Variants in ZFPM2 observed in about 807,000 individuals in gnomAD.
The protein encoded by ZFPM2 is zinc finger protein, FOG family member 2.
ZFPM2 carries 20 observed loss-of-function variants against 98.6 expected under a neutral mutation model. The ratio of observed to expected loss-of-function variants is 0.20; its 90% CI spans 0.14 to 0.29. The LOEUF (loss-of-function observed/expected upper bound fraction) is 0.29, where lower values mean the gene tolerates loss of function less well. ZFPM2 is among the 10% of genes least tolerant of loss of function. The pLI, the probability that ZFPM2 is intolerant of heterozygous loss-of-function variation, is 1.00. For missense variants in ZFPM2, 1,310 were observed against 1,388.6 expected (o/e 0.94, Z 0.90); for synonymous variants, 518 against 502.7 (o/e 1.03, Z -0.41).
chr8:105,667,629 A>G (rs1226742503), intron 5 of ZFPM2, among the ~76,000 whole-genome samples: 2 of 152,260 alleles, frequency 1.3e-5, no homozygotes, highest in Non-Finnish European at 1.5e-5. Context: ...CATCTGTGCA[A>G]GGCCAGGTTT....
intron 3 of ZFPM2, among the ~76,000 whole-genome samples, chr8:105,508,649 A>G (rs1813750247): frequency 6.6e-6 from 1 of 151,984 alleles, no homozygotes; most frequent in Non-Finnish European, 1.5e-5. Flanking sequence ...GCCAGAGACC[A>G]GATGCACCTC....
chr8:105,712,781 T>C (rs7003141), intron 5 of ZFPM2, among the ~76,000 whole-genome samples: 44,363 of 151,938 alleles, frequency 0.29, 7,034 homozygotes, highest in African/African-American at 0.4. Context: ...GGGTTTAGCT[T>C]CAAATTGTAA....
intron 3 of ZFPM2, 23 bp downstream of exon 3, chr8:105,444,404 C>A (rs1812325808): frequency 1.9e-6 from 3 of 1,566,408 alleles, no homozygotes; most frequent in Non-Finnish European, 2.6e-6. Flanking sequence ...ATTTAAAATT[C>A]AACCGTCTTT....
intron 1 of ZFPM2, among the ~76,000 whole-genome samples, chr8:105,394,930 C>T (rs191881215): frequency 1.5e-4 from 23 of 152,296 alleles, no homozygotes; most frequent in Non-Finnish European, 8.8e-5. Context: ...CTTTGATTCT[C>T]TGGAATCGTG....
intron 1 of ZFPM2, among the ~76,000 whole-genome samples, chr8:105,359,670 G>T (rs781149714): frequency 5.3e-5 from 8 of 152,032 alleles, no homozygotes; most frequent in Non-Finnish European, 1.0e-4. Context: ...CACCGCGCCC[G>T]GCCCCACTCT....
intron 5 of ZFPM2, among the ~76,000 whole-genome samples, chr8:105,681,344 T>A (rs1435218009): frequency 6.6e-6 from 1 of 152,160 alleles, no homozygotes; most frequent in Non-Finnish European, 1.5e-5. Context: ...CCTTTCAGAA[T>A]GCACAGAGTG....
chr8:105,408,037 A>C (rs1461801048), intron 1 of ZFPM2, among the ~76,000 whole-genome samples: 1 of 151,842 alleles, frequency 6.6e-6, no homozygotes, highest in Non-Finnish European at 1.5e-5. Context: ...CTGCCTGTAA[A>C]GATGCTTGCT....
chr8:105,766,791 G>A (rs1315968360), intron 5 of ZFPM2, among the ~76,000 whole-genome samples: 1 of 151,846 alleles, frequency 6.6e-6, no homozygotes. Context: ...GACCTTTATA[G>A]GTTGGCAATA....
intron 3 of ZFPM2, among the ~76,000 whole-genome samples, chr8:105,549,452 C>T (rs1448033127): frequency 6.6e-6 from 1 of 151,674 alleles, no homozygotes; most frequent in Non-Finnish European, 1.5e-5. Context: ...TTTTGGTGTC[C>T]TTTACACTTG....
intron 5 of ZFPM2, among the ~76,000 whole-genome samples, chr8:105,661,722 G>A (rs1817392488): frequency 6.6e-6 from 1 of 151,868 alleles, no homozygotes; most frequent in Non-Finnish European, 1.5e-5. Flanking sequence ...TTGTGTCAAC[G>A]GGAGACTTGC....
At chr8:105,531,821 A>G (rs1814303345) in intron 3 of ZFPM2, among the ~76,000 whole-genome samples, 1 of 152,204 alleles carries the variant, frequency 6.6e-6, no homozygotes, top group South Asian at 2.1e-4. Context: ...TAGTTAAACT[A>G]AAAATGAAAC....
At chr8:105,588,406 AT>A (rs899405196) in intron 4 of ZFPM2, among the ~76,000 whole-genome samples, 16 of 151,788 alleles carry the variant, frequency 1.1e-4, no homozygotes, top group South Asian at 2.1e-4. Context: ...TTCTTTTAAT[AT>A]TTTTTTTCCA....
intron 2 of ZFPM2, among the ~76,000 whole-genome samples, chr8:105,429,320 T>G (rs1754684838): frequency 6.6e-6 from 1 of 151,956 alleles, no homozygotes; most frequent in South Asian, 2.1e-4. Flanking sequence ...TGGCCGTATG[T>G]GATCATGCAT....
intron 4 of ZFPM2, among the ~76,000 whole-genome samples, chr8:105,620,954 G>A (rs1390360756): frequency 6.6e-6 from 1 of 152,196 alleles, no homozygotes; most frequent in African/African-American, 2.4e-5. Context: ...ATAGTTTGAA[G>A]TCAGGTAGCG....
intron 5 of ZFPM2, among the ~76,000 whole-genome samples, chr8:105,634,769 A>G (rs1816816613): frequency 2.0e-5 from 3 of 152,212 alleles, no homozygotes; most frequent in Non-Finnish European, 2.9e-5. Flanking sequence ...TCTACATTCT[A>G]GCCAGTTTCC....
At chr8:105,379,809 C>T (rs1810808291) in intron 1 of ZFPM2, among the ~76,000 whole-genome samples, 1 of 149,048 alleles carries the variant, frequency 6.7e-6, no homozygotes, top group Non-Finnish European at 1.5e-5. Context: ...TGGCCATGAA[C>T]ACATGGTATA....
rs558793362 is a variant in ZFPM2, at chr8:105,626,988, A to G, written c.421-7258A>G. On this transcript the variant is annotated intron_variant, in intron 4 of 7. Transcript: ENST00000407775. The stretch of plus-strand genomic sequence containing the variant: ...GCTCATCTCATGGGAAGATTTTCCT[A>G]TGACTTTTGGCTCTTTCTAACCCTC... Among the ~76,000 whole-genome samples the G allele has an allele frequency of 2.0e-5, 3 of 152,310 alleles. No individual in the cohort carries two copies. The East Asian group carries it at 5.8e-4, about 29-fold the overall frequency.
At chr8:105,454,387 T>G (rs1295055469) in intron 3 of ZFPM2, among the ~76,000 whole-genome samples, 2 of 152,228 alleles carry the variant, frequency 1.3e-5, no homozygotes, top group Admixed American at 1.3e-4. Flanking sequence ...TACACATTGC[T>G]TGGTGCTTTT....
chr8:105,330,602 A>ATATACATC, intron 1 of ZFPM2, among the ~76,000 whole-genome samples: 1 of 24,834 alleles, frequency 4.0e-5, no homozygotes, highest in African/African-American at 2.5e-4. Context: ...ATACATATAT[A>ATATACATC]TATATATACA....
Sources: gnomAD v4.1 joint callset for allele counts (sites outside exome capture counted in the v4.1 genomes callset) on GRCh38, gnomAD v4.1.1 for gene constraint, MANE v1.5 for transcripts, NCBI Gene and HGNC (gene_info 2026-07-23, HGNC 2026-07-21) for gene names.